SLC22A23: variants seen among roughly 807,000 people sequenced by gnomAD.
SLC22A23 encodes ion transporter protein.
Under a neutral mutation model 61.0 loss-of-function variants are expected in SLC22A23, and 26 were observed. That is an observed-to-expected ratio of 0.43 (90% CI 0.31 to 0.59). The LOEUF (loss-of-function observed/expected upper bound fraction) is 0.59, where lower values mean the gene tolerates loss of function less well. SLC22A23 is among the 20% of genes least tolerant of loss of function. The pLI is 0.11. For synonymous variants in SLC22A23, 430 were observed against 413.9 expected (o/e 1.04, Z -0.47); for missense variants, 796 against 934.7 (o/e 0.85, Z 1.94).
chr6:3,298,313 G>A (rs1272168544), intron 4 of SLC22A23, 95 bp from the exon 5 acceptor site: 3 of 1,430,246 alleles, frequency 2.1e-6, no homozygotes, highest in African/African-American at 1.5e-5. Context: ...TCCCAGGCAG[G>A]TGGCGGTCAG....
At chr6:3,440,236 C>T (rs1239237519) in intron 1 of SLC22A23, among the ~76,000 whole-genome samples, 1 of 152,158 alleles carries the variant, frequency 6.6e-6, no homozygotes. Context: ...AGGGTCCATG[C>T]TGGAGCTCTG....
chr6:3,300,383 A>G (rs577429313), intron 4 of SLC22A23, among the ~76,000 whole-genome samples: 6 of 152,136 alleles, frequency 3.9e-5, no homozygotes, highest in African/African-American at 7.2e-5. Context: ...GCCCAAATTC[A>G]TATGTTGGAA....
At position 3,389,268 on chromosome 6, in the gene SLC22A23, C is replaced by CAA. The variant is rs61020784; in HGVS notation, c.913+20918_913+20919dup. On this transcript the variant is annotated intron_variant, in intron 3 of 9. Coordinates refer to ENST00000406686, the MANE Select transcript of SLC22A23 (RefSeq NM_015482.2). ...GGGCAACAAGAGCAAAACTCTGTCT[C>CAA]AAAAAAAAAAAAAAAAAAAAAAAAA... 4.7e-3 allele frequency among the ~76,000 whole-genome samples: 154 copies of CAA among 32,588 alleles called. 14 individuals are homozygous for CAA. Among genetic ancestry groups the CAA allele is most frequent in the Non-Finnish European group, 5.5e-3 (115 of 21,006 alleles). 21.4% of individuals were successfully genotyped at this position (32,588 alleles called of 152,430 possible).
Position 3,275,303 on chromosome 6 carries a change from AAAATG to A in SLC22A23, c.1704-1896_1704-1892del, listed in dbSNP as rs543110989. Among the ~76,000 whole-genome samples the A allele has an allele frequency of 1.6e-3, 241 of 152,358 alleles. 2 individuals are homozygous for A. Among genetic ancestry groups the A allele is most frequent in the African/African-American group, 5.7e-3 (236 of 41,590 alleles). On this transcript the variant is annotated intron_variant, in intron 9 of 9. Coordinates refer to ENST00000406686, the MANE Select transcript of SLC22A23 (RefSeq NM_015482.2). ...TGTTGGACCCTTCACATCATGTAAA[AAAATG>A]AACTCAAAATGGATAATAAAATCTA...
chr6:3,417,328 G>T (rs1410452764), intron 1 of SLC22A23, among the ~76,000 whole-genome samples: 2 of 152,176 alleles, frequency 1.3e-5, no homozygotes, highest in Admixed American at 6.5e-5. Context: ...CTTCCAGAGT[G>T]ATTTGCAACG....
rs1423622103 is a variant in SLC22A23 at position 3,322,198 on chromosome 6, GAT to G, written c.1082+1634_1082+1635del. 6.6e-6 allele frequency among the ~76,000 whole-genome samples: 1 copy of G among 152,190 alleles called. No individual in the cohort carries two copies. Among genetic ancestry groups the G allele is most frequent in the Non-Finnish European group, 1.5e-5 (1 of 68,032 alleles). On this transcript the variant is annotated intron_variant, in intron 4 of 9. Coordinates refer to ENST00000406686, the MANE Select transcript of SLC22A23 (RefSeq NM_015482.2). This position sits in a 1 kb window ranked among gnomAD's most constrained non-coding sequence, Gnocchi z 4.1. ...TGTCCTCTATAGGATGGGCTGCTGA[GAT>G]ATGAGGGTGGAACCATTTACTATTG... is the stretch of plus-strand genomic sequence containing the variant.
chr6:3,311,991 C>G (rs1407886595), intron 4 of SLC22A23: 1 of 152,216 alleles, frequency 6.6e-6, no homozygotes, highest in African/African-American at 2.4e-5. Flanking sequence ...AGACTCAGGG[C>G]TAACGCTCAC....
At chr6:3,285,496 T>C (rs1759904470) in intron 7 of SLC22A23, among the ~76,000 whole-genome samples, 2 of 152,196 alleles carry the variant, frequency 1.3e-5, no homozygotes, top group African/African-American at 4.8e-5. Context: ...GCTCTGCTCC[T>C]CACGGCTGCT....
chr6:3,402,752 TTCAC>T (rs1768516896), intron 3 of SLC22A23, among the ~76,000 whole-genome samples: 1 of 152,218 alleles, frequency 6.6e-6, no homozygotes, highest in Admixed American at 6.5e-5. Flanking sequence ...TCTCTGCCTC[TTCAC>T]TCACTAAACT....
At chr6:3,276,120 T>C (rs1758877719) in intron 9 of SLC22A23, among the ~76,000 whole-genome samples, 1 of 152,222 alleles carries the variant, frequency 6.6e-6, no homozygotes, top group Admixed American at 6.5e-5. Flanking sequence ...TGTGTGTGTG[T>C]GTGTGTGTTG....
At chr6:3,424,284 C>G (rs1038355142) in intron 1 of SLC22A23, among the ~76,000 whole-genome samples, 1 of 152,200 alleles carries the variant, frequency 6.6e-6, no homozygotes, top group Admixed American at 6.5e-5. Context: ...CCACAACACC[C>G]TCATTCTCCC....
intron 9 of SLC22A23, among the ~76,000 whole-genome samples, chr6:3,277,740 G>A (rs1303326714): frequency 8.5e-5 from 13 of 152,214 alleles, no homozygotes; most frequent in Admixed American, 7.8e-4. Context: ...TGCTATAGTC[G>A]GATTTCTAGA....
chr6:3,295,275 T>G (rs1760980684), intron 5 of SLC22A23, among the ~76,000 whole-genome samples: 1 of 148,728 alleles, frequency 6.7e-6, no homozygotes, highest in South Asian at 2.1e-4. Flanking sequence ...GGGGGCTGAC[T>G]TGGTCTCTGA....
At chr6:3,422,958 C>T (rs1378120846) in intron 1 of SLC22A23, among the ~76,000 whole-genome samples, 1 of 152,152 alleles carries the variant, frequency 6.6e-6, no homozygotes, top group East Asian at 1.9e-4. Context: ...TAAAGCTGCT[C>T]ATATTTCTTA....
intron 4 of SLC22A23, chr6:3,313,125 A>G (rs1369898765): frequency 1.3e-5 from 2 of 152,034 alleles, no homozygotes; most frequent in South Asian, 2.1e-4. Flanking sequence ...AGAGGTTCCT[A>G]TTGTCTTACA....
At chr6:3,432,879 G>A (rs1077844) in intron 1 of SLC22A23, among the ~76,000 whole-genome samples, 10,967 of 152,248 alleles carry the variant, frequency 0.072, 1,131 homozygotes, top group African/African-American at 0.22. Flanking sequence ...CCTGTTGGGA[G>A]ATACTTCCCC....
rs1762195803 is a variant in SLC22A23, at chr6:3,309,127, C to CATGT, written c.1083-10910_1083-10909insACAT. 6.6e-6 allele frequency among the ~76,000 whole-genome samples: 1 copy of CATGT among 151,480 alleles called. No individual in the cohort carries two copies. Among genetic ancestry groups the CATGT allele is most frequent in the African/African-American group, 2.4e-5 (1 of 41,154 alleles). On this transcript the variant is annotated intron_variant, in intron 4 of 9. Transcript: ENST00000406686. This position sits in a 1 kb window ranked among gnomAD's most constrained non-coding sequence, Gnocchi z 4.7. Reference sequence around the variant, plus strand: ...CCAGCCTGTCCAACATGGTGAAACCCCCATCTCTACTAAAAACGCAAAAAT... The same window carrying CATGT: ...CCAGCCTGTCCAACATGGTGAAACCCATGTCCATCTCTACTAAAAACGCAAAAAT...
intron 6 of SLC22A23, among the ~76,000 whole-genome samples, chr6:3,288,626 C>T (rs951369334): frequency 1.3e-5 from 2 of 152,250 alleles, no homozygotes; most frequent in African/African-American, 4.8e-5. Context: ...CCCGTCTCCA[C>T]AAAACGAATC....
chr6:3,351,497 C>T (rs1187862171), intron 3 of SLC22A23, among the ~76,000 whole-genome samples: 1 of 152,184 alleles, frequency 6.6e-6, no homozygotes, highest in African/African-American at 2.4e-5. Flanking sequence ...CTGAGCGTGC[C>T]AGGCAGCGGG....
Sources: gnomAD v4.1 joint callset for allele counts (sites outside exome capture counted in the v4.1 genomes callset) on GRCh38, gnomAD v4.1.1 for gene constraint, Gnocchi (gnomAD v3.1) non-coding constraint, MANE v1.5 for transcripts, NCBI Gene and HGNC (gene_info 2026-07-23, HGNC 2026-07-21) for gene names.